The following KLHL3 variants were observed in gnomAD, a reference collection of about 807,000 sequenced individuals.
The protein encoded by KLHL3 is kelch like family member 3.
Under a neutral mutation model 70.5 loss-of-function variants are expected in KLHL3, and 19 were observed. The observed-to-expected ratio is 0.27, with a 90% CI of 0.19 to 0.40. KLHL3 has a LOEUF of 0.40. KLHL3 is among the 10% of genes least tolerant of loss of function. The probability of loss-of-function intolerance (pLI) is 1.00; values close to 1 mark genes in which losing one functional copy is unlikely to be tolerated. For synonymous variants in KLHL3, 258 were observed against 290.3 expected (o/e 0.89, Z 1.13); for missense variants, 512 against 771.1 (o/e 0.66, Z 3.98).
chr5:137,626,356 G>A (rs1561580282), intron 13 of KLHL3, among the ~76,000 whole-genome samples: 1 of 152,184 alleles, frequency 6.6e-6, no homozygotes, highest in Non-Finnish European at 1.5e-5. Flanking sequence ...ACTGTGTGAT[G>A]CTGATGGTTA....
chr5:137,633,627 C>T (rs1414963113), intron 12 of KLHL3, among the ~76,000 whole-genome samples: 1 of 152,104 alleles, frequency 6.6e-6, no homozygotes, highest in Non-Finnish European at 1.5e-5. Context: ...GAATCTTATG[C>T]AACCAAAAAA....
At chr5:137,643,196 C>CAAAA (rs747721853) in intron 8 of KLHL3, among the ~76,000 whole-genome samples, 7 of 151,528 alleles carry the variant, frequency 4.6e-5, no homozygotes, top group Non-Finnish European at 1.0e-4. Context: ...ACAAAAAATA[C>CAAAA]AAAAAACTAG....
At chr5:137,693,573 A>G (rs1314694729) in intron 4 of KLHL3, among the ~76,000 whole-genome samples, 1 of 152,160 alleles carries the variant, frequency 6.6e-6, no homozygotes, top group Non-Finnish European at 1.5e-5. Flanking sequence ...CCCTTCACCT[A>G]TGGAAGCAGC....
intron 6 of KLHL3, among the ~76,000 whole-genome samples, chr5:137,667,994 G>A (rs1751654798): frequency 7.2e-6 from 1 of 139,666 alleles, no homozygotes; most frequent in Non-Finnish European, 1.6e-5. Context: ...AGAGAGGTTA[G>A]CAAGCTGTAC....
At chr5:137,644,983 C>T (rs1561588707) in intron 8 of KLHL3, among the ~76,000 whole-genome samples, 1 of 152,130 alleles carries the variant, frequency 6.6e-6, no homozygotes, top group Non-Finnish European at 1.5e-5. Flanking sequence ...ATAGATTCAT[C>T]CTAGGGATGC....
chr5:137,640,006 G>A, intron 8 of KLHL3, 29 bp from the exon 9 acceptor site: 2 of 1,586,746 alleles, frequency 1.3e-6, no homozygotes, highest in Admixed American at 1.7e-5. Flanking sequence ...ACGTTAGCGG[G>A]GTCACCCCAA....
chr5:137,625,034 G>A (rs1235472167), intron 14 of KLHL3, among the ~76,000 whole-genome samples: 2 of 152,234 alleles, frequency 1.3e-5, no homozygotes, highest in Non-Finnish European at 2.9e-5. Flanking sequence ...GTGGCCTTCA[G>A]CAAGTTACTT....
chr5:137,634,650 G>A (rs917177996), intron 11 of KLHL3, among the ~76,000 whole-genome samples: 1 of 152,174 alleles, frequency 6.6e-6, no homozygotes, highest in Admixed American at 6.5e-5. Flanking sequence ...CTTAGCCATT[G>A]TCTCTACCCC....
At chr5:137,668,194 G>T (rs1040370330) in intron 6 of KLHL3, among the ~76,000 whole-genome samples, 2 of 152,162 alleles carry the variant, frequency 1.3e-5, no homozygotes, top group Non-Finnish European at 2.9e-5. Flanking sequence ...GGCGGATCAC[G>T]AAGTCAAGAG....
intron 11 of KLHL3, among the ~76,000 whole-genome samples, chr5:137,636,517 C>G (rs1025140192): frequency 2.6e-5 from 4 of 152,214 alleles, no homozygotes; most frequent in Non-Finnish European, 4.4e-5. Context: ...TACCTACTGG[C>G]ATTTGTCAGC....
chr5:137,639,711 CAAAAA>C lies in KLHL3; in HGVS notation c.1021+144_1021+148del. 4.0e-6 allele frequency: 2 copies of C among 504,454 alleles called. No individual in the cohort carries two copies. The highest frequency in any genetic ancestry group is 7.0e-6 in the Non-Finnish European group (2 of 286,120). The allele number at this position is 504,454 out of a possible 1,614,324, so 31.2% of individuals were successfully genotyped here. ...TCTGTCTTAAAACAACGACAACAAC[CAAAAA>C]AAAAAAAAAAGTGTGCAGGAGGGAA... is the stretch of plus-strand genomic sequence containing the variant. On this transcript the variant is annotated intron_variant, in intron 9 of 14. Transcript: ENST00000309755. This position sits in a 1 kb window ranked among gnomAD's most constrained non-coding sequence, Gnocchi z 5.0.
At chr5:137,720,660 A>G (rs1752980342) in intron 1 of KLHL3, 76 bp from the exon 2 acceptor site, 3 of 1,597,058 alleles carry the variant, frequency 1.9e-6, no homozygotes, top group Non-Finnish European at 2.6e-6. Flanking sequence ...CCAAAAGCCC[A>G]TGCATTTACC....
At chr5:137,664,989 A>C (rs562983244) in intron 6 of KLHL3, among the ~76,000 whole-genome samples, 33 of 152,316 alleles carry the variant, frequency 2.2e-4, no homozygotes, top group African/African-American at 7.9e-4. Context: ...ATAAGAGGAC[A>C]AACTTATATT....
At chr5:137,690,326 CAAA>C (rs35864411) in intron 5 of KLHL3, among the ~76,000 whole-genome samples, 374 of 140,702 alleles carry the variant, frequency 2.7e-3, no homozygotes, top group East Asian at 4.6e-3. Flanking sequence ...GACTCCATCT[CAAA>C]AAAAAAAAAA....
chr5:137,698,506 A>G, intron 3 of KLHL3, 98 bp from the exon 4 acceptor site: 1 of 1,418,922 alleles, frequency 7.0e-7, no homozygotes, highest in South Asian at 1.3e-5. Context: ...ACATAAAAGC[A>G]CTTCCTGGGC....
At chr5:137,628,172 A>C in intron 13 of KLHL3, 125 bp downstream of exon 13, 1 of 1,213,166 alleles carries the variant, frequency 8.2e-7, no homozygotes. Flanking sequence ...GCAAATGCAC[A>C]CTCCCTGTTC....
chr5:137,639,748 G>T lies in KLHL3; in HGVS notation c.1021+112C>A. The T allele has an allele frequency of 1.4e-6, 1 of 726,100 alleles. No individual in the cohort carries two copies. Among genetic ancestry groups the T allele is most frequent in the East Asian group, 2.7e-5 (1 of 37,726 alleles). 45.0% of individuals were successfully genotyped at this position (726,100 alleles called of 1,614,324 possible). On this transcript the variant is annotated intron_variant, in intron 9 of 14. Transcript: ENST00000309755. This position sits in a 1 kb window ranked among gnomAD's most constrained non-coding sequence, Gnocchi z 5.0. ...AAAAGTGTGCAGGAGGGAAACGAATGGGAGCCTGAAATGCACAGATGCTTG... is the reference window on the plus strand; with the variant it reads ...AAAAGTGTGCAGGAGGGAAACGAATTGGAGCCTGAAATGCACAGATGCTTG...
chr5:137,678,125 G>A (rs973207818), intron 5 of KLHL3, among the ~76,000 whole-genome samples: 1 of 152,138 alleles, frequency 6.6e-6, no homozygotes, highest in African/African-American at 2.4e-5. Context: ...AACATTAGAA[G>A]GTCAGTAGAT....
chr5:137,716,502 G>A (rs1460418265), intron 2 of KLHL3, among the ~76,000 whole-genome samples: 1 of 152,210 alleles, frequency 6.6e-6, no homozygotes, highest in African/African-American at 2.4e-5. Flanking sequence ...TACTTTGAGA[G>A]AGGGGCAAAG....
Sources: gnomAD v4.1 joint callset for allele counts (sites outside exome capture counted in the v4.1 genomes callset) on GRCh38, gnomAD v4.1.1 for gene constraint, Gnocchi (gnomAD v3.1) non-coding constraint, MANE v1.5 for transcripts, NCBI Gene and HGNC (gene_info 2026-07-23, HGNC 2026-07-21) for gene names.